Variants in LY96 observed in about 807,000 individuals in gnomAD.
LY96 encodes the protein lymphocyte antigen 96.
LY96 carries 18 observed loss-of-function variants against 18.9 expected under a neutral mutation model. The ratio of observed to expected loss-of-function variants is 0.95; its 90% CI spans 0.66 to 1.41. LY96 has a LOEUF of 1.41. Among genes scored for constraint, LY96 ranks in the 40% most tolerant of loss-of-function variants. The probability of loss-of-function intolerance (pLI) is 0.00; values close to 1 mark genes in which losing one functional copy is unlikely to be tolerated. For missense variants in LY96, 175 were observed against 182.4 expected (o/e 0.96, Z 0.23); for synonymous variants, 66 against 62.6 (o/e 1.06, Z -0.26).
At chr8:74,063,649 A>G in the LY96 span, among the ~76,000 whole-genome samples, 3 of 152,124 alleles carry the variant, frequency 2.0e-5, no homozygotes, top group African/African-American at 4.8e-5. Context: ...TGATTATAAT[A>G]TATCTATTTA....
chr8:74,051,456 T>C, the LY96 span, among the ~76,000 whole-genome samples: 1 of 152,214 alleles, frequency 6.6e-6, no homozygotes, highest in Admixed American at 6.5e-5. Flanking sequence ...CCAATCCATA[T>C]ATACTTCTTA....
chr8:74,073,893 A>G, the LY96 span, among the ~76,000 whole-genome samples: 1 of 152,018 alleles, frequency 6.6e-6, no homozygotes, highest in African/African-American at 2.4e-5. Context: ...TCTGAGCTCA[A>G]GTGATCTGCC....
At chr8:74,083,623 G>A in the LY96 span, among the ~76,000 whole-genome samples, 1 of 152,154 alleles carries the variant, frequency 6.6e-6, no homozygotes. Flanking sequence ...TACTTTTATA[G>A]TTGGTTTGTC....
At chr8:74,022,639 C>T (rs1402990689) in intron 3 of LY96, among the ~76,000 whole-genome samples, 11 of 144,884 alleles carry the variant, frequency 7.6e-5, no homozygotes, top group African/African-American at 2.6e-4. Flanking sequence ...AGTGCAATGG[C>T]GCAGTCTCAG....
At chr8:74,076,809 C>A in the LY96 span, among the ~76,000 whole-genome samples, 2,875 of 152,202 alleles carry the variant, frequency 0.019, 82 homozygotes, top group African/African-American at 0.065. Flanking sequence ...AATCTCTGGA[C>A]CCCAGCTGGG....
At chr8:73,997,601 A>G in intron 1 of LY96, among the ~76,000 whole-genome samples, 1 of 152,180 alleles carries the variant, frequency 6.6e-6, no homozygotes, top group East Asian at 1.9e-4. Context: ...ACTACCTAGA[A>G]TTACAGTCTA....
intron 3 of LY96, among the ~76,000 whole-genome samples, chr8:74,021,412 C>T (rs1438823430): frequency 1.3e-5 from 2 of 152,304 alleles, no homozygotes; most frequent in Middle Eastern, 3.4e-3. Flanking sequence ...GTTAAAAAGT[C>T]AAGAAACAAT....
the LY96 span, among the ~76,000 whole-genome samples, chr8:74,097,490 T>C: frequency 9.9e-5 from 15 of 152,226 alleles, no homozygotes; most frequent in South Asian, 3.1e-3. Context: ...GGTGGGTGGA[T>C]CACTTGAGGT....
chr8:74,071,046 T>C, the LY96 span, among the ~76,000 whole-genome samples: 1 of 152,118 alleles, frequency 6.6e-6, no homozygotes, highest in South Asian at 2.1e-4. Flanking sequence ...ATTTTAAAGA[T>C]GAGAAAAATG....
chr8:74,026,701 A>C lies in LY96; in HGVS notation c.332-88A>C, dbSNP rs534125424. On this transcript the variant is annotated intron_variant, in intron 3 of 4. Transcript: ENST00000284818. Reference sequence around the variant, plus strand: ...AGTTTTGCTTGGGACTGCGTCTGTCAGTAGTTAAGGTATACTCCATGCTAC... The same window carrying C: ...AGTTTTGCTTGGGACTGCGTCTGTCCGTAGTTAAGGTATACTCCATGCTAC... The C allele has an allele frequency of 3.3e-5, 24 of 736,226 alleles. No individual in the cohort carries two copies. The African/African-American group carries it at 3.8e-4, about 12-fold the overall frequency. The allele number at this position is 736,226 out of a possible 1,614,324, so 45.6% of individuals were successfully genotyped here. A position where few individuals can be genotyped will look rare whatever the true frequency, so the allele number is the denominator to read the frequency against.
chr8:74,062,396 G>A, the LY96 span, among the ~76,000 whole-genome samples: 1 of 150,058 alleles, frequency 6.7e-6, no homozygotes, highest in East Asian at 1.9e-4. Flanking sequence ...CTCCCTCCCC[G>A]CACCCCAACC....
chr8:74,012,628 A>C (rs1213633927), intron 3 of LY96, among the ~76,000 whole-genome samples: 1 of 152,192 alleles, frequency 6.6e-6, no homozygotes, highest in Non-Finnish European at 1.5e-5. Context: ...CAACCTATGC[A>C]GGTAATGAGA....
At chr8:74,010,435 A>G (rs1006347860) in intron 3 of LY96, among the ~76,000 whole-genome samples, 4 of 152,146 alleles carry the variant, frequency 2.6e-5, no homozygotes, top group Non-Finnish European at 5.9e-5. Flanking sequence ...CAGAATAATA[A>G]CATTCAGAAA....
At chr8:74,083,402 G>T in the LY96 span, among the ~76,000 whole-genome samples, 1 of 152,058 alleles carries the variant, frequency 6.6e-6, no homozygotes, top group African/African-American at 2.4e-5. Context: ...TTTTAGTAGA[G>T]ATGGGGTTTC....
intron 3 of LY96, among the ~76,000 whole-genome samples, chr8:74,018,082 C>A (rs915264480): frequency 2.0e-5 from 3 of 152,010 alleles, no homozygotes; most frequent in Non-Finnish European, 4.4e-5. Flanking sequence ...GGGCTAAATG[C>A]CCCAATTAAA....
intron 3 of LY96, among the ~76,000 whole-genome samples, chr8:74,024,977 G>GC (rs1816839515): frequency 1.3e-5 from 2 of 152,080 alleles, no homozygotes; most frequent in African/African-American, 2.4e-5. Flanking sequence ...ATAGGCACAT[G>GC]CACCACACCC....
chr8:74,033,541 G>A (rs1447722673), downstream of LY96, among the ~76,000 whole-genome samples: 1 of 152,176 alleles, frequency 6.6e-6, no homozygotes, highest in Non-Finnish European at 1.5e-5. Flanking sequence ...TGAGCAGGGG[G>A]CCTCTTTTTC....
the LY96 span, among the ~76,000 whole-genome samples, chr8:74,072,868 C>A: frequency 5.3e-5 from 8 of 152,100 alleles, no homozygotes; most frequent in Admixed American, 2.0e-4. Flanking sequence ...GGTGAGCATG[C>A]GGGTGCCTCA....
chr8:74,035,844 A>G, the LY96 span, among the ~76,000 whole-genome samples: 1 of 152,160 alleles, frequency 6.6e-6, no homozygotes, highest in Non-Finnish European at 1.5e-5. Context: ...AAATCTACCT[A>G]TGACCTGGAA....
Sources: gnomAD v4.1 joint callset for allele counts (sites outside exome capture counted in the v4.1 genomes callset) on GRCh38, gnomAD v4.1.1 for gene constraint, MANE v1.5 for transcripts, NCBI Gene and HGNC (gene_info 2026-07-23, HGNC 2026-07-21) for gene names.